Variants in SH3D19 observed in about 807,000 individuals in gnomAD.
SH3D19 encodes the protein SH3 domain-containing protein 19.
In SH3D19, 58 loss-of-function variants were observed where a neutral mutation model predicts 112.1. That is an observed-to-expected ratio of 0.52 (90% CI 0.42 to 0.64). The LOEUF is 0.64. SH3D19 is among the 30% of genes least tolerant of loss of function. The pLI, the probability that SH3D19 is intolerant of heterozygous loss-of-function variation, is 0.00. For synonymous variants in SH3D19, 391 were observed against 448.5 expected (o/e 0.87, Z 1.62); for missense variants, 1,090 against 1,263.4 (o/e 0.86, Z 2.08).
At chr4:151,267,339 G>GA (rs750162971) in intron 1 of SH3D19, among the ~76,000 whole-genome samples, 323 of 142,504 alleles carry the variant, frequency 2.3e-3, no homozygotes, top group African/African-American at 6.9e-3. Flanking sequence ...TGTTGTCAAA[G>GA]AAAAAAAAAA....
chr4:151,131,104 A>G (rs1332954515), intron 17 of SH3D19, among the ~76,000 whole-genome samples: 2 of 152,084 alleles, frequency 1.3e-5, no homozygotes, highest in African/African-American at 4.8e-5. Flanking sequence ...TCCTCTCATG[A>G]CATTTAAAAA....
rs11368412 is a variant in SH3D19, at chr4:151,251,198, C to CTTTTTTTTT, written c.113-25121_113-25113dup. Reference sequence around the variant, plus strand: ...TTTGTTCTTTCTTTTTCTTTTTTTCCTTTTTTTTTTTTTTTCCTGAGACGG... The same window carrying CTTTTTTTTT: ...TTTGTTCTTTCTTTTTCTTTTTTTCCTTTTTTTTTTTTTTTTTTTTTTTTCCTGAGACGG... On this transcript the variant is annotated intron_variant, in intron 1 of 19. Coordinates refer to ENST00000604030, the MANE Select transcript of SH3D19 (RefSeq NM_001378122.1). 2.1e-5 allele frequency among the ~76,000 whole-genome samples: 3 copies of CTTTTTTTTT among 142,570 alleles called. 1 individual carries two copies. The highest frequency in any genetic ancestry group is 2.6e-5 in the African/African-American group (1 of 38,258). 93.5% of individuals were successfully genotyped at this position (142,570 alleles called of 152,430 possible).
intron 11 of SH3D19, among the ~76,000 whole-genome samples, chr4:151,144,904 A>C (rs1753665555): frequency 6.6e-6 from 1 of 152,188 alleles, no homozygotes; most frequent in South Asian, 2.1e-4. Flanking sequence ...TGATGAGTGC[A>C]CATCAGACGG....
chr4:151,237,131 C>T (rs1460159970), intron 1 of SH3D19, among the ~76,000 whole-genome samples: 1 of 152,130 alleles, frequency 6.6e-6, no homozygotes, highest in African/African-American at 2.4e-5. Flanking sequence ...CAGCTTCACT[C>T]CTGAAGCCAG....
chr4:151,123,012 C>T (rs555717968), intron 19 of SH3D19, among the ~76,000 whole-genome samples: 1 of 152,036 alleles, frequency 6.6e-6, no homozygotes, highest in Non-Finnish European at 1.5e-5. Flanking sequence ...CCACCACGTC[C>T]AGCTATTTTT....
chr4:151,132,375 C>A lies in SH3D19; in HGVS notation c.2698G>T (p.Val900Leu). The change falls in exon 17 of 20, where the codon GTA becomes TTA. Residue 900 changes from valine to leucine, a missense_variant. Val to Leu is a conservative substitution (Grantham distance 32). Coordinates refer to ENST00000604030, the MANE Select transcript of SH3D19 (RefSeq NM_001378122.1). ...TCTTCTTTTTTGGTTTTCAGTGGTA[C>A]CTTTGTGCCTACATTAAAAAAACAA... ...TSGANVLSTK[V>L]PLKTKKEDSG... 1 of 1,613,446 alleles carries A rather than the reference C, an allele frequency of 6.2e-7. No homozygotes were observed. Among genetic ancestry groups the A allele is most frequent in the Non-Finnish European group, 8.5e-7 (1 of 1,179,780 alleles).
chr4:151,188,755 G>A (rs1762166714), intron 2 of SH3D19, among the ~76,000 whole-genome samples: 1 of 152,184 alleles, frequency 6.6e-6, no homozygotes, highest in Non-Finnish European at 1.5e-5. Flanking sequence ...GGTGGAACAC[G>A]GAAGGTGTTA....
chr4:151,175,025 T>G lies in SH3D19; in HGVS notation c.1179A>C (p.Arg393=). The change falls in exon 7 of 20, where the codon CGA becomes CGC. Residue 393 remains arginine (R), a synonymous_variant. Transcript: ENST00000604030. ...TTCCCGGAATCTCAGGATTAACACTTCGTATAAGGCCAGGGTTTGGTTTCT... is the reference window on the plus strand; with the variant it reads ...TTCCCGGAATCTCAGGATTAACACTGCGTATAAGGCCAGGGTTTGGTTTCT... ...LPKKPNPGLI[R]SVNPEIPGRG... 6.2e-7 allele frequency: 1 copy of G among 1,614,146 alleles called. No homozygotes were observed. The highest frequency in any genetic ancestry group is 8.5e-7 in the Non-Finnish European group (1 of 1,180,028).
intron 5 of SH3D19, 38 bp from the exon 6 acceptor site, chr4:151,176,725 G>A (rs1178584702): frequency 3.3e-6 from 4 of 1,227,622 alleles, no homozygotes; most frequent in Non-Finnish European, 3.0e-6. Flanking sequence ...ACATCTAAGG[G>A]CAATAGCTAA....
chr4:151,128,215 C>T lies in SH3D19; in HGVS notation c.2884G>A (p.Asp962Asn), dbSNP rs1363354261. 3 of 1,613,514 alleles carry T rather than the reference C, an allele frequency of 1.9e-6. No homozygotes were observed. The South Asian group carries it at 3.3e-5, about 18-fold the overall frequency. The change falls in exon 18 of 20, where the codon GAC becomes AAC. Residue 962 changes from aspartate to asparagine, a missense_variant. Transcript: ENST00000604030. ...ACTGCTGGGAAGATCCCCTCCCTGT[C>T]CTGCAGTCTGCCCCTGCACCAGTCA... ...DSDWCRGRLQ[D>N]REGIFPAVFV...
Position 151,240,560 on chromosome 4 carries a change from A to C in SH3D19, c.113-14474T>G, listed in dbSNP as rs550681567. Among the ~76,000 whole-genome samples, 72 of 152,150 alleles carry C rather than the reference A, an allele frequency of 4.7e-4. 3 individuals carry two copies. The highest frequency in any genetic ancestry group is 1.6e-3 in the African/African-American group (67 of 41,394). On this transcript the variant is annotated intron_variant, in intron 1 of 19. Coordinates refer to ENST00000604030, the MANE Select transcript of SH3D19 (RefSeq NM_001378122.1). ...TAATTTGTATATATTTAATTTTAAGAAGTTACTAAGAATACACAATAAGAT... is the reference window on the plus strand; with the variant it reads ...TAATTTGTATATATTTAATTTTAAGCAGTTACTAAGAATACACAATAAGAT...
intron 2 of SH3D19, among the ~76,000 whole-genome samples, chr4:151,220,484 T>C (rs1474623286): frequency 6.6e-6 from 1 of 152,204 alleles, no homozygotes; most frequent in East Asian, 1.9e-4. Context: ...AATTAGCTGG[T>C]AGTTCAGACC....
intron 2 of SH3D19, among the ~76,000 whole-genome samples, chr4:151,208,079 A>G (rs951451634): frequency 1.3e-5 from 2 of 152,220 alleles, no homozygotes; most frequent in African/African-American, 4.8e-5. Context: ...ACACGTCACT[A>G]TAAAGGCATT....
chr4:151,236,392 GGGCTAGGTGCTGC>G (rs1270592128), intron 1 of SH3D19, among the ~76,000 whole-genome samples: 1 of 152,290 alleles, frequency 6.6e-6, no homozygotes, highest in Non-Finnish European at 1.5e-5. Flanking sequence ...CGGAGTGCCC[GGGCTAGGTGCTGC>G]AAAGTCCCAC....
At chr4:151,297,355 T>C (rs2126309805) in intron 1 of SH3D19, among the ~76,000 whole-genome samples, 1 of 152,344 alleles carries the variant, frequency 6.6e-6, no homozygotes, top group African/African-American at 2.4e-5. Flanking sequence ...CTGTGGCACT[T>C]TGTGTGCCAT....
intron 2 of SH3D19, among the ~76,000 whole-genome samples, chr4:151,202,893 C>T (rs1156758885): frequency 6.6e-6 from 1 of 152,118 alleles, no homozygotes; most frequent in African/African-American, 2.4e-5. Flanking sequence ...AATATTCTGA[C>T]CATTAAAACT....
rs78800164 is a variant in SH3D19, at chr4:151,214,668, G to C, written c.152+11379C>G. ...CCCCACCTCCCTCCCGGAAGGGGCG[G>C]CTGGCCGGGCAGAGGGGCTCCTCAC... On this transcript the variant is annotated intron_variant, in intron 2 of 19. Transcript: ENST00000604030. Among the ~76,000 whole-genome samples the C allele has an allele frequency of 2.8e-4, 29 of 104,044 alleles. 1 individual carries two copies. The highest frequency in any genetic ancestry group is 5.7e-4 in the Non-Finnish European group (25 of 43,506). The allele number at this position is 104,044 out of a possible 152,430, so 68.3% of individuals were successfully genotyped here. A position where few individuals can be genotyped will look rare whatever the true frequency, so the allele number is the denominator to read the frequency against.
intron 1 of SH3D19, among the ~76,000 whole-genome samples, chr4:151,297,123 C>T (rs557623957): frequency 7.5e-4 from 114 of 152,216 alleles, no homozygotes; most frequent in Middle Eastern, 3.4e-3. Flanking sequence ...AGGAGTCATT[C>T]AAAATAATCA....
chr4:151,227,474 T>C (rs1252591367), intron 1 of SH3D19, among the ~76,000 whole-genome samples: 1 of 152,236 alleles, frequency 6.6e-6, no homozygotes, highest in Non-Finnish European at 1.5e-5. Context: ...CTGGTTCCAA[T>C]TTTTCTACAC....
Sources: gnomAD v4.1 joint callset for allele counts (sites outside exome capture counted in the v4.1 genomes callset) on GRCh38, gnomAD v4.1.1 for gene constraint, MANE v1.5 for transcripts, NCBI Gene and HGNC (gene_info 2026-07-23, HGNC 2026-07-21) for gene names.